The following QSER1 variants were observed in gnomAD, a reference collection of about 807,000 sequenced individuals.
QSER1 encodes the protein glutamine and serine rich 1, also known as glutamine and serine-rich protein 1.
In QSER1, 49 loss-of-function variants were observed where a neutral mutation model predicts 158.5. The observed-to-expected ratio is 0.31, with a 90% CI of 0.25 to 0.39. The LOEUF is 0.39. Among genes scored for constraint, QSER1 ranks in the 10% least tolerant of loss-of-function variants. The pLI is 1.00. For synonymous variants in QSER1, 650 were observed against 715.5 expected, an observed-to-expected ratio of 0.91 and a Z score of 1.46; for missense variants, 1,754 against 2,010.3, an observed-to-expected ratio of 0.87 and a Z score of 2.44.
chr11:32,951,652 T>C (rs949582297), intron 4 of QSER1, among the ~76,000 whole-genome samples: 1 of 152,182 alleles, frequency 6.6e-6, no homozygotes, highest in African/African-American at 2.4e-5. Context: ...AGTTCTTTTG[T>C]TAAATTTATT....
At chr11:32,958,394 T>A (rs991933266) in intron 8 of QSER1, among the ~76,000 whole-genome samples, 2 of 141,196 alleles carry the variant, frequency 1.4e-5, no homozygotes, top group African/African-American at 5.5e-5. Context: ...GTTCTAAACT[T>A]TTTTTTTTTT....
In QSER1 at chr11:32,934,502, A is replaced by G; in HGVS notation, c.3244A>G (p.Asn1082Asp). 6.2e-7 allele frequency: 1 copy of G among 1,613,684 alleles called. No homozygotes were observed. The highest frequency in any genetic ancestry group is 8.5e-7 in the Non-Finnish European group (1 of 1,180,000). ...ACAGCACATTGAAACACCTGGTCAA[A>G]ATATACCAACTAAAGTAACTTCAGC... ...DQQHIETPGQ[N>D]IPTKVTSAVV... Residue 1082 changes from asparagine to aspartate, a missense_variant, in exon 4 of 13, where the codon AAT (asparagine) becomes GAT (aspartate). By Grantham distance (23) the Asn-to-Asp change is conservative. Around this residue, in one of 2 missense-constraint regions of QSER1, gnomAD observed 1,707 missense variants for 1,919.6 expected, o/e 0.89. Coordinates refer to ENST00000650167, the MANE Select transcript of QSER1 (RefSeq NM_001076786.3).
intron 8 of QSER1, among the ~76,000 whole-genome samples, chr11:32,964,118 G>A (rs913147599): frequency 4.6e-5 from 7 of 152,158 alleles, no homozygotes; most frequent in South Asian, 2.1e-4. Context: ...TACTACAGGC[G>A]CATGCCACCA....
At chr11:32,946,278 G>A (rs1164868465) in intron 4 of QSER1, among the ~76,000 whole-genome samples, 2 of 152,254 alleles carry the variant, frequency 1.3e-5, no homozygotes, top group Non-Finnish European at 2.9e-5. Context: ...CCTTACTGGT[G>A]AGGAGCAGCG....
chr11:32,931,609 A>G, intron 3 of QSER1, 134 bp from the exon 4 acceptor site: 2 of 633,508 alleles, frequency 3.2e-6, no homozygotes, highest in Non-Finnish European at 2.7e-6. Flanking sequence ...CAAAATTTAC[A>G]TGCAGAACTA....
In QSER1 at chr11:32,932,328, C is replaced by G. The variant is rs754448114; in HGVS notation, c.1070C>G (p.Thr357Ser). ...AGTGTAGTTAATTTTCAGGAAACAA[C>G]CAGGCAGTCATCTTTATCCTGTAGC... ...NSSVVNFQET[T>S]RQSSLSCSPI... is the part of the protein sequence containing the mutation. Residue 357 changes from threonine to serine, a missense_variant, in exon 4 of 13, where the codon ACC (threonine) becomes AGC (serine). Around this residue, in one of 2 missense-constraint regions of QSER1, gnomAD observed 1,707 missense variants for 1,919.6 expected, o/e 0.89. Transcript: ENST00000650167. 33 of 1,612,930 alleles carry G rather than the reference C, an allele frequency of 2.0e-5. No individual in the cohort carries two copies. Among genetic ancestry groups the G allele is most frequent in the Non-Finnish European group, 2.6e-5 (31 of 1,180,006 alleles).
At chr11:32,925,610 G>A (rs940758445) in intron 1 of QSER1, among the ~76,000 whole-genome samples, 3 of 151,518 alleles carry the variant, frequency 2.0e-5, no homozygotes, top group Admixed American at 6.6e-5. Flanking sequence ...TCACTGCAAC[G>A]TCTGCCTCCT....
Position 32,912,856 on chromosome 11 carries a change from T to G in QSER1, c.210-14301T>G, listed in dbSNP as rs556367792. On this transcript the variant is annotated intron_variant, in intron 1 of 12. Coordinates refer to ENST00000650167, the MANE Select transcript of QSER1 (RefSeq NM_001076786.3). ...TGAGCCTGGAAGGTCACACCTAGGG[T>G]GAGTTATGATCACACCACTGCACTC... 5.3e-5 allele frequency among the ~76,000 whole-genome samples: 8 copies of G among 152,028 alleles called. No individual in the cohort carries two copies. In the East Asian group the frequency reaches 1.5e-3, roughly 29 times the overall value.
At chr11:32,958,150 A>G (rs1275943733) in intron 8 of QSER1, 64 bp downstream of exon 8, 8 of 1,249,684 alleles carry the variant, frequency 6.4e-6, no homozygotes, top group Non-Finnish European at 9.2e-6. Flanking sequence ...GGTGAGGAGC[A>G]GGATGCTGAC....
Position 32,978,367 on chromosome 11 carries a change from T to A in QSER1, c.*1893T>A, listed in dbSNP as rs886151616. 5.9e-5 allele frequency: 9 copies of A among 152,250 alleles called. No homozygotes were observed. Among genetic ancestry groups the A allele is most frequent in the African/African-American group, 2.2e-4 (9 of 41,466 alleles). The allele number at this position is 152,250 out of a possible 1,614,324, so 9.4% of individuals were successfully genotyped here. A position where few individuals can be genotyped will look rare whatever the true frequency, so the allele number is the denominator to read the frequency against. ...ATGATAGTATTGACTCTGGACAGAA[T>A]TGATGTCTTTCGTTTCCAAAGTGCA... On this transcript the variant is annotated 3_prime_UTR_variant, in exon 13 of 13. Transcript: ENST00000650167.
At position 32,957,866 on chromosome 11, in the gene QSER1, C is replaced by T; in HGVS notation, c.4752-3C>T. 6.2e-7 allele frequency: 1 copy of T among 1,611,330 alleles called. No individual in the cohort carries two copies. ...TTAATGAAGTTTGTTTATAACATTG[C>T]AGAACTGTTCAAGCTAAGCCAAGTA... is the stretch of plus-strand genomic sequence containing the variant. On this transcript the variant is annotated splice_region_variant and splice_polypyrimidine_tract_variant and intron_variant, in intron 7 of 12. Coordinates refer to ENST00000650167, the MANE Select transcript of QSER1 (RefSeq NM_001076786.3).
At chr11:32,954,834 T>C (rs1051380919) in intron 5 of QSER1, among the ~76,000 whole-genome samples, 2 of 152,214 alleles carry the variant, frequency 1.3e-5, no homozygotes, top group Non-Finnish European at 2.9e-5. Context: ...AGCCACTGCA[T>C]ACAGCCACTT....
At chr11:32,958,136 G>A in intron 8 of QSER1, 50 bp downstream of exon 8, 1 of 1,352,020 alleles carries the variant, frequency 7.4e-7, no homozygotes, top group Non-Finnish European at 1.1e-6. Flanking sequence ...TTATCTACAT[G>A]AGTGGTGAGG....
rs994545538 is a variant in QSER1, at chr11:32,976,778, A to G, written c.*304A>G. On this transcript the variant is annotated 3_prime_UTR_variant, in exon 13 of 13. Coordinates refer to ENST00000650167, the MANE Select transcript of QSER1 (RefSeq NM_001076786.3). ...TTTGACAAATGATGAAGCATGCACT[A>G]AGTATAATTTTTTTTTATTGCTAGA... 5 of 246,118 alleles carry G rather than the reference A, an allele frequency of 2.0e-5. No individual in the cohort carries two copies. Among genetic ancestry groups the G allele is most frequent in the Admixed American group, 6.0e-5 (1 of 16,746 alleles). 15.2% of individuals were successfully genotyped at this position (246,118 alleles called of 1,614,324 possible). A position where few individuals can be genotyped will look rare whatever the true frequency, so the allele number is the denominator to read the frequency against.
chr11:32,932,345 T>C lies in QSER1; in HGVS notation c.1087T>C (p.Ser363Pro), dbSNP rs778253555. The C allele has an allele frequency of 4.3e-6, 7 of 1,612,626 alleles. No homozygotes were observed. The South Asian group carries it at 6.6e-5, about 15-fold the overall frequency. Residue 363 changes from serine (S) to proline (P), a missense_variant, in exon 4 of 13, where the codon TCC becomes CCC. Ser to Pro is a moderately conservative substitution (Grantham distance 74, BLOSUM62 -1). Transcript: ENST00000650167. ...GGAAACAACCAGGCAGTCATCTTTA[T>C]CCTGTAGCCCAATTGGAGATTCCAC... Reference protein sequence around the residue: ...FQETTRQSSLSCSPIGDSTQV... With the variant: ...FQETTRQSSLPCSPIGDSTQV...
chr11:32,904,674 C>A (rs931934476), intron 1 of QSER1, among the ~76,000 whole-genome samples: 2 of 133,834 alleles, frequency 1.5e-5, no homozygotes, highest in Non-Finnish European at 3.1e-5. Context: ...TTTCACTGTT[C>A]CTAAAATGGT....
At chr11:32,930,694 C>T (rs921127105) in intron 3 of QSER1, among the ~76,000 whole-genome samples, 2 of 151,838 alleles carry the variant, frequency 1.3e-5, no homozygotes, top group African/African-American at 4.8e-5. Context: ...TTGATTGATC[C>T]CTTGTTTATG....
In QSER1 at chr11:32,977,382, T is replaced by C. The variant is rs1461990224; in HGVS notation, c.*908T>C. Reference sequence around the variant, plus strand: ...ATTTGCTTCAGTGTTATCCAGAATATGCATTCAGTACTAGAATTAGTTTAG... The same window carrying C: ...ATTTGCTTCAGTGTTATCCAGAATACGCATTCAGTACTAGAATTAGTTTAG... On this transcript the variant is annotated 3_prime_UTR_variant, in exon 13 of 13. Coordinates refer to ENST00000650167, the MANE Select transcript of QSER1 (RefSeq NM_001076786.3). The C allele has an allele frequency of 6.5e-6, 1 of 152,676 alleles. No homozygotes were observed. The highest frequency in any genetic ancestry group is 1.5e-5 in the Non-Finnish European group (1 of 68,038). 9.5% of individuals were successfully genotyped at this position (152,676 alleles called of 1,614,324 possible). A position where few individuals can be genotyped will look rare whatever the true frequency, so the allele number is the denominator to read the frequency against.
At chr11:32,965,390 C>T (rs1004988264) in intron 8 of QSER1, among the ~76,000 whole-genome samples, 3 of 152,120 alleles carry the variant, frequency 2.0e-5, no homozygotes, top group Admixed American at 6.5e-5. Flanking sequence ...GTTGGGATTA[C>T]AGGCACGTGC....
Sources: gnomAD v4.1 joint callset for allele counts (sites outside exome capture counted in the v4.1 genomes callset) on GRCh38, gnomAD v4.1.1 for gene constraint, gnomAD v4.1.1 regional missense constraint, MANE v1.5 for transcripts, NCBI Gene and HGNC (gene_info 2026-07-23, HGNC 2026-07-21) for gene names.